Variants in GPC5 observed in about 807,000 individuals in gnomAD.
GPC5 encodes the protein glypican-5.
In GPC5, 47 loss-of-function variants were observed where a neutral mutation model predicts 53.9. The ratio of observed to expected loss-of-function variants is 0.87; its 90% CI spans 0.69 to 1.11. The LOEUF is 1.11. Ranked by LOEUF, GPC5 falls within the 50% of genes most tolerant of loss-of-function variation. GPC5 has a pLI of 0.00. For synonymous variants in GPC5, 286 were observed against 263.3 expected (o/e 1.09, Z -0.84); for missense variants, 748 against 713.1 (o/e 1.05, Z -0.56).
chr13:92,639,334 C>G (rs1315694259), intron 7 of GPC5, among the ~76,000 whole-genome samples: 1 of 152,194 alleles, frequency 6.6e-6, no homozygotes, highest in African/African-American at 2.4e-5. Flanking sequence ...ACTATCAAAT[C>G]TTCCTTTGTT....
intron 5 of GPC5, among the ~76,000 whole-genome samples, chr13:91,894,885 G>A (rs931494868): frequency 1.3e-5 from 2 of 152,146 alleles, no homozygotes. Flanking sequence ...ACATGTCTCA[G>A]AGACGGAATG....
chr13:91,852,486 T>G (rs997315438), intron 5 of GPC5, among the ~76,000 whole-genome samples: 2 of 149,352 alleles, frequency 1.3e-5, no homozygotes, highest in African/African-American at 2.5e-5. Context: ...GGTTTACTTG[T>G]TTTTTTTTTC....
intron 5 of GPC5, among the ~76,000 whole-genome samples, chr13:91,862,021 C>T (rs1204377558): frequency 6.6e-6 from 1 of 151,820 alleles, no homozygotes; most frequent in African/African-American, 2.4e-5. Flanking sequence ...TCATAAACCC[C>T]ACAATAAAAT....
chr13:92,274,673 T>C (rs573630824), intron 7 of GPC5, among the ~76,000 whole-genome samples: 5 of 152,126 alleles, frequency 3.3e-5, no homozygotes, highest in Admixed American at 6.6e-5. Flanking sequence ...GAAGGATCCA[T>C]GTATAAGCTC....
chr13:92,250,085 T>C (rs574770354), intron 7 of GPC5, among the ~76,000 whole-genome samples: 35 of 152,238 alleles, frequency 2.3e-4, no homozygotes, highest in African/African-American at 7.7e-4. Context: ...GTCTCACAAC[T>C]AGTAATCAGA....
intron 5 of GPC5, among the ~76,000 whole-genome samples, chr13:91,782,464 G>C (rs2037813167): frequency 6.6e-6 from 1 of 152,168 alleles, no homozygotes; most frequent in East Asian, 1.9e-4. Flanking sequence ...AGGAAAGAGA[G>C]AGAAGAGCAG....
chr13:92,418,851 T>C (rs954923441), intron 7 of GPC5, among the ~76,000 whole-genome samples: 6 of 152,186 alleles, frequency 3.9e-5, no homozygotes, highest in East Asian at 3.9e-4. Flanking sequence ...GAAAAATAGG[T>C]GTGGGAAAGC....
At chr13:91,841,126 C>T (rs906286454) in intron 5 of GPC5, among the ~76,000 whole-genome samples, 6 of 151,478 alleles carry the variant, frequency 4.0e-5, no homozygotes, top group Admixed American at 2.0e-4. Flanking sequence ...ATATGAATTC[C>T]GAAGGGGCCT....
Position 91,903,042 on chromosome 13 carries a change from T to TG in GPC5, c.1281-4895_1281-4894insG, listed in dbSNP as rs386380207. On this transcript the variant is annotated intron_variant, in intron 5 of 7. Transcript: ENST00000377067. ...TGTACAGCTCAGTACTTTTTTTTTT[T>TG]TAACAAACTTAGCACTTCTGTGTAT... Among the ~76,000 whole-genome samples the TG allele has an allele frequency of 2.1e-3, 322 of 151,802 alleles. 5 individuals carry two copies. Among genetic ancestry groups the TG allele is most frequent in the African/African-American group, 7.5e-3 (309 of 41,434 alleles).
In GPC5 at chr13:92,412,880, A is replaced by C. The variant is rs918446146; in HGVS notation, c.1561+267891A>C. On this transcript the variant is annotated intron_variant, in intron 7 of 7. Transcript: ENST00000377067. ...TTTGCTAAAAGCTTTTCCAAATTAA[A>C]ATTTAAACATGGAGGCAGTTGCTGG... Among the ~76,000 whole-genome samples the C allele has an allele frequency of 3.0e-4, 46 of 152,204 alleles. 1 individual carries two copies. Among genetic ancestry groups the C allele is most frequent in the Non-Finnish European group, 3.7e-4 (25 of 68,040 alleles).
At chr13:92,770,608 T>C (rs1324471753) in intron 7 of GPC5, among the ~76,000 whole-genome samples, 1 of 152,162 alleles carries the variant, frequency 6.6e-6, no homozygotes, top group African/African-American at 2.4e-5. Flanking sequence ...CAGTTGCTGT[T>C]TGAAGCATTT....
chr13:91,973,620 G>C (rs572676545), intron 6 of GPC5, among the ~76,000 whole-genome samples: 12 of 152,130 alleles, frequency 7.9e-5, no homozygotes, highest in African/African-American at 2.7e-4. Context: ...GGTCTTTGAT[G>C]ATGGTGATGT....
At chr13:92,485,643 A>G (rs765116217) in intron 7 of GPC5, among the ~76,000 whole-genome samples, 12 of 152,236 alleles carry the variant, frequency 7.9e-5, no homozygotes, top group Non-Finnish European at 1.2e-4. Flanking sequence ...ACTTTGGATC[A>G]TTACAGCCCT....
At chr13:92,005,085 A>G (rs1412486104) in intron 6 of GPC5, among the ~76,000 whole-genome samples, 2 of 152,162 alleles carry the variant, frequency 1.3e-5, no homozygotes, top group Non-Finnish European at 2.9e-5. Flanking sequence ...CCCAGGAACA[A>G]TACTTTGCAT....
At chr13:92,028,481 T>C (rs1406987233) in intron 6 of GPC5, among the ~76,000 whole-genome samples, 1 of 152,080 alleles carries the variant, frequency 6.6e-6, no homozygotes, top group Non-Finnish European at 1.5e-5. Context: ...CAGGTGACCG[T>C]CTCCCAAATT....
chr13:91,408,105 A>G (rs1877462324), intron 1 of GPC5, among the ~76,000 whole-genome samples: 1 of 151,946 alleles, frequency 6.6e-6, no homozygotes, highest in Non-Finnish European at 1.5e-5. Flanking sequence ...AGAATACAAT[A>G]TATCATATTA....
intron 2 of GPC5, among the ~76,000 whole-genome samples, chr13:91,479,178 G>T (rs911738304): frequency 6.6e-6 from 1 of 151,774 alleles, no homozygotes; most frequent in African/African-American, 2.4e-5. Flanking sequence ...CTCCCAAAGT[G>T]CTGGGATTAC....
intron 7 of GPC5, among the ~76,000 whole-genome samples, chr13:92,555,198 C>T (rs1464680092): frequency 5.3e-5 from 8 of 151,116 alleles, no homozygotes; most frequent in Non-Finnish European, 8.9e-5. Flanking sequence ...TCTGTTTCTA[C>T]CAAATTCTCA....
chr13:91,795,702 G>A (rs1365754493), intron 5 of GPC5, among the ~76,000 whole-genome samples: 3 of 152,062 alleles, frequency 2.0e-5, no homozygotes, highest in African/African-American at 4.8e-5. Flanking sequence ...TGGTGAATGA[G>A]GTGCTAACCC....
Sources: gnomAD v4.1 joint callset for allele counts (sites outside exome capture counted in the v4.1 genomes callset) on GRCh38, gnomAD v4.1.1 for gene constraint, MANE v1.5 for transcripts, NCBI Gene and HGNC (gene_info 2026-07-23, HGNC 2026-07-21) for gene names.